The following TCF4 variants were observed in gnomAD, a reference collection of about 807,000 sequenced individuals.
TCF4 encodes transcription factor 4, also known as SL3-3 enhancer factor 2.
TCF4 carries 3 observed loss-of-function variants against 82.1 expected under a neutral mutation model. The ratio of observed to expected loss-of-function variants is 0.04; its 90% CI spans 0.02 to 0.09. The LOEUF (loss-of-function observed/expected upper bound fraction) is 0.09. Ranked by LOEUF, TCF4 falls within the 10% of genes least tolerant of loss-of-function variation. The pLI is 1.00. For synonymous variants in TCF4, 276 were observed against 309.6 expected (o/e 0.89, Z 1.14); for missense variants, 518 against 852.7 (o/e 0.61, Z 4.89).
chr18:55,308,368 G>T (rs554001560), intron 8 of TCF4, among the ~76,000 whole-genome samples: 42 of 152,124 alleles, frequency 2.8e-4, no homozygotes, highest in Non-Finnish European at 5.9e-4. Flanking sequence ...TACCCAAATG[G>T]TGAATATTGA....
chr18:55,297,147 G>GT (rs35268463), intron 8 of TCF4, among the ~76,000 whole-genome samples: 2,040 of 64,244 alleles, frequency 0.032, 55 homozygotes, highest in African/African-American at 0.051. Context: ...TTTCTTTGAG[G>GT]TTTTTTTTTT....
chr18:55,472,774 C>T (rs2096212906), intron 3 of TCF4, among the ~76,000 whole-genome samples: 3 of 152,022 alleles, frequency 2.0e-5, no homozygotes, highest in African/African-American at 7.2e-5. Context: ...CTAACTTCAA[C>T]ATTACACAGA....
At chr18:55,485,421 T>C (rs1049537157) in intron 3 of TCF4, among the ~76,000 whole-genome samples, 28 of 152,160 alleles carry the variant, frequency 1.8e-4, no homozygotes, top group Non-Finnish European at 1.3e-4. Flanking sequence ...CTAGACTTCA[T>C]CTATCCAACG....
At chr18:55,239,152 T>C (rs2050429539) in intron 15 of TCF4, among the ~76,000 whole-genome samples, 2 of 152,232 alleles carry the variant, frequency 1.3e-5, no homozygotes, top group Admixed American at 6.5e-5. Flanking sequence ...TGTCATTAGA[T>C]ATGCAATAAT....
intron 15 of TCF4, among the ~76,000 whole-genome samples, chr18:55,237,605 A>G (rs557369261): frequency 2.2e-4 from 28 of 126,600 alleles, no homozygotes; most frequent in Admixed American, 1.7e-3. Flanking sequence ...AAGTAACTGG[A>G]ATTACAGGCG....
intron 8 of TCF4, among the ~76,000 whole-genome samples, chr18:55,329,494 T>G (rs1288600283): frequency 6.6e-6 from 1 of 152,154 alleles, no homozygotes; most frequent in Non-Finnish European, 1.5e-5. Flanking sequence ...TTTTAAAAAA[T>G]TCTGGGTTTT....
chr18:55,229,985 A>G (rs922422072), intron 17 of TCF4: 1 of 152,178 alleles, frequency 6.6e-6, no homozygotes, highest in Non-Finnish European at 1.5e-5. Flanking sequence ...TCTACAAAAA[A>G]TAAAAAAAAA....
chr18:55,355,699 G>A (rs1020916448), intron 6 of TCF4, among the ~76,000 whole-genome samples: 8 of 152,020 alleles, frequency 5.3e-5, no homozygotes, highest in Admixed American at 5.2e-4. Flanking sequence ...TCCTATGCTT[G>A]GTTTCAACAA....
chr18:55,335,048 G>C (rs963529515), intron 8 of TCF4, among the ~76,000 whole-genome samples: 3 of 152,124 alleles, frequency 2.0e-5, no homozygotes, highest in African/African-American at 4.8e-5. Flanking sequence ...GCTCTGTGAC[G>C]CTCTTGCTGA....
At chr18:55,415,555 G>C (rs570159222) in intron 5 of TCF4, among the ~76,000 whole-genome samples, 1 of 152,328 alleles carries the variant, frequency 6.6e-6, no homozygotes, top group South Asian at 2.1e-4. Flanking sequence ...GTATGGGGGA[G>C]GAGGGGTACA....
chr18:55,323,660 C>A (rs1462980444), intron 8 of TCF4, among the ~76,000 whole-genome samples: 4 of 152,194 alleles, frequency 2.6e-5, no homozygotes, highest in African/African-American at 9.7e-5. Context: ...GACAGGATCA[C>A]ATTTGTAACC....
intron 4 of TCF4, among the ~76,000 whole-genome samples, chr18:55,463,681 C>T (rs1568116357): frequency 6.6e-6 from 1 of 152,054 alleles, no homozygotes; most frequent in Non-Finnish European, 1.5e-5. Flanking sequence ...ACACCAATAC[C>T]TTATAGGGAT....
intron 3 of TCF4, among the ~76,000 whole-genome samples, chr18:55,485,258 G>T (rs2096497424): frequency 6.6e-6 from 1 of 152,166 alleles, no homozygotes. Flanking sequence ...ATTTCCCTAT[G>T]TTTAAGTCCA....
At chr18:55,595,139 G>T (rs796334265) in intron 2 of TCF4, among the ~76,000 whole-genome samples, 14 of 152,334 alleles carry the variant, frequency 9.2e-5, no homozygotes, top group African/African-American at 3.4e-4. Flanking sequence ...AGCCTTCTCT[G>T]AGGCTGCCAC....
At chr18:55,621,611 TATA>T (rs1186672879) in intron 2 of TCF4, among the ~76,000 whole-genome samples, 12 of 91,776 alleles carry the variant, frequency 1.3e-4, no homozygotes, top group Admixed American at 1.8e-4. Flanking sequence ...ATGTACATTA[TATA>T]ATATTATATA....
At chr18:55,475,999 T>C (rs983922279) in intron 3 of TCF4, among the ~76,000 whole-genome samples, 27 of 152,296 alleles carry the variant, frequency 1.8e-4, no homozygotes, top group Middle Eastern at 3.4e-3. Context: ...AGAATCAGTT[T>C]TGGAGCCATG....
At chr18:55,444,837 C>G (rs1194405372) in intron 5 of TCF4, among the ~76,000 whole-genome samples, 1 of 152,074 alleles carries the variant, frequency 6.6e-6, no homozygotes, top group Non-Finnish European at 1.5e-5. Context: ...CCATGACCTA[C>G]TTCTCCTCAT....
intron 8 of TCF4, among the ~76,000 whole-genome samples, chr18:55,342,443 G>A (rs1170042934): frequency 6.6e-6 from 1 of 152,038 alleles, no homozygotes; most frequent in Non-Finnish European, 1.5e-5. Context: ...GTATTAAATG[G>A]CAGAATTTCG....
rs73960240 is a variant in TCF4, at chr18:55,345,764, G to A, written c.549+4595C>T. ...ATAGAGCCCAGATGGCTGATATTTCGTTCACTTGTGATCGATATCATATTT... is the reference window on the plus strand; with the variant it reads ...ATAGAGCCCAGATGGCTGATATTTCATTCACTTGTGATCGATATCATATTT... On this transcript the variant is annotated intron_variant, in intron 8 of 19. Coordinates refer to ENST00000354452, the MANE Select transcript of TCF4 (RefSeq NM_001083962.2). Among the ~76,000 whole-genome samples, 1,158 of 152,096 alleles carry A rather than the reference G, an allele frequency of 7.6e-3. 15 individuals carry two copies. Among genetic ancestry groups the A allele is most frequent in the African/African-American group, 0.027 (1,108 of 41,498 alleles).
Sources: allele counts gnomAD v4.1 joint callset (sites outside exome capture counted in the v4.1 genomes callset), GRCh38; gene constraint gnomAD v4.1.1; transcripts MANE v1.5; gene names NCBI Gene and HGNC (gene_info 2026-07-23, HGNC 2026-07-21).